Variants in SMOC1 observed in about 807,000 individuals in gnomAD.
The protein encoded by SMOC1 is SPARC-related modular calcium-binding protein 1.
A neutral mutation model predicts 56.3 loss-of-function variants in SMOC1; 22 were observed. The observed-to-expected ratio is 0.39, with a 90% CI of 0.28 to 0.56. SMOC1 has a LOEUF of 0.56. Ranked by LOEUF, SMOC1 falls within the 20% of genes least tolerant of loss-of-function variation. The pLI is 0.61. For missense variants in SMOC1, 509 were observed against 565.4 expected, an observed-to-expected ratio of 0.90 and a Z score of 1.01; for synonymous variants, 193 against 215.0, an observed-to-expected ratio of 0.90 and a Z score of 0.89.
intron 7 of SMOC1, among the ~76,000 whole-genome samples, chr14:70,007,320 A>G (rs1261079487): frequency 6.6e-6 from 1 of 152,222 alleles, no homozygotes; most frequent in Non-Finnish European, 1.5e-5. Context: ...AGTCTGGCCC[A>G]TGGTAAATAC....
chr14:69,918,236 A>ATAT lies in SMOC1; in HGVS notation c.100-33901_100-33900insATT, dbSNP rs1555359019. On this transcript the variant is annotated intron_variant, in intron 1 of 11. Coordinates refer to ENST00000361956, the MANE Select transcript of SMOC1 (RefSeq NM_001034852.3). Reference sequence around the variant, plus strand: ...GAACTTACCCTATATATATATATATATTTTTTTTTTGAGACAGGGTCTCAC... The same window carrying ATAT: ...GAACTTACCCTATATATATATATATATATTTTTTTTTTTGAGACAGGGTCTCAC... Among the ~76,000 whole-genome samples, 23 of 149,274 alleles carry ATAT rather than the reference A, an allele frequency of 1.5e-4. No homozygotes were observed. In the East Asian group the frequency reaches 2.2e-3, roughly 14 times the overall value.
At position 69,883,889 on chromosome 14, in the gene SMOC1, A is replaced by ATTTTTTT. The variant is rs34300667; in HGVS notation, c.99+4134_99+4140dup. ...TCCCTGATGATTAGTGATGTTGAGCATTTTTTTTTTTTTTTTTTTTTTTTT... is the reference window on the plus strand; with the variant it reads ...TCCCTGATGATTAGTGATGTTGAGCATTTTTTTTTTTTTTTTTTTTTTTTTTTTTTTT... On this transcript the variant is annotated intron_variant, in intron 1 of 11. Transcript: ENST00000361956. Among the ~76,000 whole-genome samples, 263 of 66,642 alleles carry ATTTTTTT rather than the reference A, an allele frequency of 3.9e-3. 66 individuals carry two copies. Among genetic ancestry groups the ATTTTTTT allele is most frequent in the African/African-American group, 7.8e-3 (112 of 14,328 alleles). The allele number at this position is 66,642 out of a possible 152,430, so 43.7% of individuals were successfully genotyped here. A position where few individuals can be genotyped will look rare whatever the true frequency, so the allele number is the denominator to read the frequency against.
intron 1 of SMOC1, among the ~76,000 whole-genome samples, chr14:69,937,311 G>A (rs1566680294): frequency 6.6e-6 from 1 of 152,156 alleles, no homozygotes; most frequent in African/African-American, 2.4e-5. Context: ...GGTTATAAAT[G>A]TCTGGACTAA....
intron 1 of SMOC1, among the ~76,000 whole-genome samples, chr14:69,936,005 G>T (rs8016072): frequency 0.25 from 37,861 of 152,086 alleles, 5,061 homozygotes; most frequent in East Asian, 0.32. Flanking sequence ...TGTCCTAAGG[G>T]CATCTTTCAG....
chr14:69,950,897 A>G (rs1882971574), intron 1 of SMOC1, among the ~76,000 whole-genome samples: 1 of 152,214 alleles, frequency 6.6e-6, no homozygotes, highest in Admixed American at 6.5e-5. Flanking sequence ...GCTTAAAACA[A>G]TTTATTATTA....
chr14:69,994,429 C>T lies in SMOC1; in HGVS notation c.613C>T (p.His205Tyr), dbSNP rs761901815. The T allele has an allele frequency of 6.2e-7, 1 of 1,614,042 alleles. No individual in the cohort carries two copies. The highest frequency in any genetic ancestry group is 8.5e-7 in the Non-Finnish European group (1 of 1,179,914). ...CACAGCCCCAACTCTATGGATTAAACACTTGGTGATCAAGGACTCCAAACT... is the reference window on the plus strand; with the variant it reads ...CACAGCCCCAACTCTATGGATTAAATACTTGGTGATCAAGGACTCCAAACT... ...EITAPTLWIK[H>Y]LVIKDSKLNN... The change falls in exon 7 of 12, where the codon CAC (histidine) becomes TAC (tyrosine). Residue 205 changes from histidine (H) to tyrosine (Y), a missense_variant. His to Tyr is a moderately conservative substitution (Grantham distance 83). Around this residue, in one of 3 missense-constraint regions of SMOC1, gnomAD observed 315 missense variants for 333.1 expected, o/e 0.95. Transcript: ENST00000361956.
chr14:69,959,947 A>G (rs924575911), intron 3 of SMOC1, among the ~76,000 whole-genome samples: 9 of 152,062 alleles, frequency 5.9e-5, no homozygotes, highest in Admixed American at 6.6e-5. Context: ...GTTCCTTTTT[A>G]GCTCCCCAGC....
At chr14:69,915,891 A>G (rs1370438803) in intron 1 of SMOC1, among the ~76,000 whole-genome samples, 2 of 152,044 alleles carry the variant, frequency 1.3e-5, no homozygotes, top group East Asian at 3.9e-4. Context: ...TCACCCATAA[A>G]TGGTATAGTT....
At chr14:70,000,966 G>A (rs1256257849) in intron 7 of SMOC1, among the ~76,000 whole-genome samples, 4 of 152,170 alleles carry the variant, frequency 2.6e-5, no homozygotes, top group Non-Finnish European at 5.9e-5. Context: ...TGGGATCTCC[G>A]AGACATAGCA....
chr14:69,921,928 A>G (rs922368621), intron 1 of SMOC1, among the ~76,000 whole-genome samples: 6 of 152,144 alleles, frequency 3.9e-5, no homozygotes, highest in African/African-American at 7.2e-5. Context: ...AGTGCTCTGG[A>G]TGAATTGGGC....
chr14:69,929,689 A>AGAAGAAGGG (rs1885109110), intron 1 of SMOC1, among the ~76,000 whole-genome samples: 1 of 152,132 alleles, frequency 6.6e-6, no homozygotes, highest in South Asian at 2.1e-4. Flanking sequence ...AAGCCCCTGG[A>AGAAGAAGGG]GAAGAAGGGA....
At chr14:69,924,031 C>T (rs768906798) in intron 1 of SMOC1, among the ~76,000 whole-genome samples, 3 of 152,208 alleles carry the variant, frequency 2.0e-5, no homozygotes, top group African/African-American at 7.2e-5. Context: ...AAGGGGATCT[C>T]AGTGGAACGT....
At chr14:69,898,360 C>T (rs964433032) in intron 1 of SMOC1, among the ~76,000 whole-genome samples, 1 of 152,114 alleles carries the variant, frequency 6.6e-6, no homozygotes, top group Non-Finnish European at 1.5e-5. Context: ...GTCACTATTG[C>T]TTCAAATAAT....
intron 7 of SMOC1, among the ~76,000 whole-genome samples, chr14:70,010,271 T>C (rs61977403): frequency 0.079 from 12,069 of 152,306 alleles, 659 homozygotes; most frequent in Non-Finnish European, 0.12. Flanking sequence ...CACATGAGGC[T>C]GATGGCCACG....
At position 69,953,535 on chromosome 14, in the gene SMOC1, G is replaced by A; in HGVS notation, c.378+3G>A. The A allele has an allele frequency of 3.1e-6, 5 of 1,612,424 alleles. No homozygotes were observed. The highest frequency in any genetic ancestry group is 2.2e-5 in the South Asian group (2 of 91,050). On this transcript the variant is annotated splice_donor_region_variant and intron_variant, in intron 3 of 11. Transcript: ENST00000361956. ...GCGAGGATGGCTCCTTTACCCAGGT[G>A]AGGCCTCGGACAATCCTCTTGGGCT...
At chr14:69,886,111 C>T in intron 1 of SMOC1, 1 of 1,548,810 alleles carries the variant, frequency 6.5e-7, no homozygotes, top group Non-Finnish European at 8.8e-7. Context: ...GAGCCACCTT[C>T]TTTCCCTTGG....
At chr14:69,907,032 A>G (rs1884426916) in intron 1 of SMOC1, among the ~76,000 whole-genome samples, 1 of 152,186 alleles carries the variant, frequency 6.6e-6, no homozygotes, top group Admixed American at 6.5e-5. Flanking sequence ...GGGAAATAGG[A>G]GGAGTTAGGT....
At chr14:70,028,455 C>G (rs1260417016) in intron 11 of SMOC1, among the ~76,000 whole-genome samples, 2 of 152,148 alleles carry the variant, frequency 1.3e-5, no homozygotes, top group African/African-American at 4.8e-5. Flanking sequence ...CTTGATATCT[C>G]CAAGCTTCAG....
At chr14:70,008,218 C>T (rs1183259551) in intron 7 of SMOC1, among the ~76,000 whole-genome samples, 2 of 152,114 alleles carry the variant, frequency 1.3e-5, no homozygotes, top group Non-Finnish European at 2.9e-5. Context: ...CAGCCTCAAC[C>T]TCCTGGACTC....
Sources: gnomAD v4.1 joint callset for allele counts (sites outside exome capture counted in the v4.1 genomes callset) on GRCh38, gnomAD v4.1.1 for gene constraint, gnomAD v4.1.1 regional missense constraint, MANE v1.5 for transcripts, NCBI Gene and HGNC (gene_info 2026-07-23, HGNC 2026-07-21) for gene names.